The following AGBL1 variants were observed in gnomAD, a reference collection of about 807,000 sequenced individuals.
The protein encoded by AGBL1 is cytosolic carboxypeptidase 4.
In AGBL1, 130 loss-of-function variants were observed where a neutral mutation model predicts 118.9. The ratio of observed to expected loss-of-function variants is 1.09; its 90% CI spans 0.95 to 1.26. The LOEUF (loss-of-function observed/expected upper bound fraction) is 1.26. Among genes scored for constraint, AGBL1 ranks in the 50% most tolerant of loss-of-function variants. AGBL1 has a pLI of 0.00. For synonymous variants in AGBL1, 555 were observed against 478.9 expected (o/e 1.16, Z -2.08); for missense variants, 1,584 against 1,298.1 (o/e 1.22, Z -3.38).
chr15:86,998,262 T>C (rs1192848069), intron 24 of AGBL1, among the ~76,000 whole-genome samples: 2 of 152,322 alleles, frequency 1.3e-5, no homozygotes, highest in East Asian at 3.9e-4. Context: ...AACATTTGTA[T>C]TTCAAGTAGA....
At chr15:86,494,055 G>A (rs2082816892) in intron 18 of AGBL1, among the ~76,000 whole-genome samples, 2 of 151,870 alleles carry the variant, frequency 1.3e-5, no homozygotes, top group Non-Finnish European at 1.5e-5. Flanking sequence ...AACCCTTGAC[G>A]CTCACTGACA....
intron 5 of AGBL1, among the ~76,000 whole-genome samples, chr15:86,201,480 G>GA (rs1401030609): frequency 6.6e-6 from 1 of 152,182 alleles, no homozygotes; most frequent in East Asian, 1.9e-4. Context: ...ATCTTGAATA[G>GA]AAAATGCCTT....
intron 5 of AGBL1, among the ~76,000 whole-genome samples, chr15:86,185,379 C>T (rs548334715): frequency 1.3e-5 from 2 of 152,086 alleles, no homozygotes; most frequent in African/African-American, 2.4e-5. Flanking sequence ...CTAGAAATAC[C>T]ATTTGACCCA....
intron 24 of AGBL1, among the ~76,000 whole-genome samples, chr15:86,991,076 C>G (rs760146334): frequency 6.6e-6 from 1 of 152,154 alleles, no homozygotes; most frequent in African/African-American, 2.4e-5. Context: ...GCTCTCTGAT[C>G]CTGAGACCTG....
At chr15:86,310,177 A>T (rs2141821514) in intron 17 of AGBL1, among the ~76,000 whole-genome samples, 3 of 152,156 alleles carry the variant, frequency 2.0e-5, no homozygotes, top group Non-Finnish European at 4.4e-5. Flanking sequence ...GTTTCTAGGA[A>T]TTTATTCATT....
chr15:86,860,894 C>T (rs1351419844), intron 22 of AGBL1, among the ~76,000 whole-genome samples: 2 of 152,042 alleles, frequency 1.3e-5, no homozygotes, highest in Non-Finnish European at 2.9e-5. Flanking sequence ...GAGGGAGAGG[C>T]TTTTTGTTTA....
chr15:86,576,752 TAGTG>T (rs757845189), intron 21 of AGBL1, among the ~76,000 whole-genome samples: 30 of 152,202 alleles, frequency 2.0e-4, no homozygotes, highest in Non-Finnish European at 3.5e-4. Context: ...GTTCTTGTGA[TAGTG>T]AGTAAGTCTT....
chr15:87,016,213 G>GGACTGAT (rs1194352203), intron 24 of AGBL1, among the ~76,000 whole-genome samples: 5 of 152,120 alleles, frequency 3.3e-5, no homozygotes, highest in Non-Finnish European at 7.4e-5. Flanking sequence ...TGATCCACTA[G>GGACTGAT]GACTGATATA....
At chr15:86,897,881 C>CA (rs1457960377) in intron 22 of AGBL1, among the ~76,000 whole-genome samples, 5 of 151,062 alleles carry the variant, frequency 3.3e-5, no homozygotes, top group Admixed American at 3.3e-4. Context: ...GTGATCCTCC[C>CA]ACCTCAGCCT....
At chr15:86,326,276 A>T (rs933860591) in intron 17 of AGBL1, among the ~76,000 whole-genome samples, 2 of 152,126 alleles carry the variant, frequency 1.3e-5, no homozygotes, top group African/African-American at 4.8e-5. Context: ...CCTCCTTATG[A>T]AACAAGAAAT....
rs373241410 is a variant in AGBL1 at position 87,028,878 on chromosome 15, G to T, written c.*38G>T. The T allele has an allele frequency of 5.3e-5, 84 of 1,587,094 alleles. No individual in the cohort carries two copies. The African/African-American group carries it at 1.1e-3, about 20-fold the overall frequency. On this transcript the variant is annotated 3_prime_UTR_variant, in exon 25 of 25. Transcript: ENST00000441037. ...CAAATGAGCAAGTATTGAAGTTCAT[G>T]CCATGTGCCCAGCTCCTCCTGGATC...
chr15:86,769,864 G>T (rs1596465793), intron 22 of AGBL1, among the ~76,000 whole-genome samples: 1 of 151,812 alleles, frequency 6.6e-6, no homozygotes, highest in South Asian at 2.1e-4. Context: ...TGCAAATCTG[G>T]GGAGAGCTTC....
At chr15:86,678,653 T>C (rs945037641) in intron 22 of AGBL1, among the ~76,000 whole-genome samples, 1 of 152,150 alleles carries the variant, frequency 6.6e-6, no homozygotes, top group African/African-American at 2.4e-5. Context: ...CAAGTAATTA[T>C]GTTTATCAAT....
chr15:86,463,885 C>G lies in AGBL1; in HGVS notation c.2556-58925C>G, dbSNP rs190395116. Among the ~76,000 whole-genome samples, 112 of 152,260 alleles carry G rather than the reference C, an allele frequency of 7.4e-4. 1 individual carries two copies. The highest frequency in any genetic ancestry group is 6.8e-3 in the Middle Eastern group (2 of 294). ...AAGTCAGGTAGCGTGATGCCTCCAGCTTCATCCTTTTTGCTTAGGATTGTC... is the reference window on the plus strand; with the variant it reads ...AAGTCAGGTAGCGTGATGCCTCCAGGTTCATCCTTTTTGCTTAGGATTGTC... On this transcript the variant is annotated intron_variant, in intron 18 of 22. Coordinates refer to ENST00000614907, the MANE Select transcript of AGBL1 (RefSeq NM_001386094.1).
chr15:86,492,704 G>A (rs760117833), intron 18 of AGBL1, among the ~76,000 whole-genome samples: 7 of 152,038 alleles, frequency 4.6e-5, no homozygotes, highest in Admixed American at 2.0e-4. Flanking sequence ...GCAAGTGTGT[G>A]TTAAGATAAA....
At chr15:86,490,393 T>C (rs1360388177) in intron 18 of AGBL1, among the ~76,000 whole-genome samples, 2 of 152,122 alleles carry the variant, frequency 1.3e-5, no homozygotes, top group Non-Finnish European at 2.9e-5. Flanking sequence ...TGTAAACCTC[T>C]GCTCGTTAGA....
At chr15:86,776,927 C>T (rs965874047) in intron 22 of AGBL1, among the ~76,000 whole-genome samples, 5 of 151,698 alleles carry the variant, frequency 3.3e-5, no homozygotes, top group South Asian at 4.2e-4. Flanking sequence ...TTCTTCATTA[C>T]GTATTATGTT....
intron 21 of AGBL1, among the ~76,000 whole-genome samples, chr15:86,638,029 A>C (rs1213870948): frequency 6.6e-6 from 1 of 152,122 alleles, no homozygotes; most frequent in Non-Finnish European, 1.5e-5. Context: ...AGGACCTCAG[A>C]GGAAGAACAG....
At chr15:86,192,929 A>T (rs1456548062) in intron 5 of AGBL1, among the ~76,000 whole-genome samples, 1 of 152,176 alleles carries the variant, frequency 6.6e-6, no homozygotes, top group East Asian at 1.9e-4. Flanking sequence ...CATCCATTCC[A>T]TTTATTTCTA....
Sources: gnomAD v4.1 joint callset for allele counts (sites outside exome capture counted in the v4.1 genomes callset) on GRCh38, gnomAD v4.1.1 for gene constraint, MANE v1.5 for transcripts, NCBI Gene and HGNC (gene_info 2026-07-23, HGNC 2026-07-21) for gene names.